The following NRF1 variants were observed in gnomAD, a reference collection of about 807,000 sequenced individuals.
The protein encoded by NRF1 is nuclear respiratory factor 1.
NRF1 carries 5 observed loss-of-function variants against 58.5 expected under a neutral mutation model. The ratio of observed to expected loss-of-function variants is 0.09; its 90% CI spans 0.04 to 0.18. NRF1 has a LOEUF of 0.18. Among genes scored for constraint, NRF1 ranks in the 10% least tolerant of loss-of-function variants. The pLI is 1.00. For synonymous variants in NRF1, 224 were observed against 246.7 expected (o/e 0.91, Z 0.86); for missense variants, 288 against 657.7 (o/e 0.44, Z 6.15).
intron 10 of NRF1, among the ~76,000 whole-genome samples, chr7:129,746,123 G>T (rs1207209404): frequency 1.3e-5 from 2 of 152,220 alleles, no homozygotes; most frequent in African/African-American, 2.4e-5. Context: ...CTTGCCAGAT[G>T]TAAGACATAT....
chr7:129,641,037 C>T (rs1801277122), intron 1 of NRF1, among the ~76,000 whole-genome samples: 1 of 151,930 alleles, frequency 6.6e-6, no homozygotes, highest in Non-Finnish European at 1.5e-5. Context: ...TAACCATAAG[C>T]CTCCTGGCTC....
chr7:129,652,693 C>T (rs910675096), intron 1 of NRF1, among the ~76,000 whole-genome samples: 1 of 152,174 alleles, frequency 6.6e-6, no homozygotes, highest in Non-Finnish European at 1.5e-5. Flanking sequence ...CGGGTTCACG[C>T]CATTCTCCTA....
At chr7:129,621,283 C>G (rs978807483) in intron 1 of NRF1, among the ~76,000 whole-genome samples, 4 of 152,086 alleles carry the variant, frequency 2.6e-5, no homozygotes, top group Non-Finnish European at 5.9e-5. Context: ...TGTGATTTTT[C>G]TGGGGAGAGG....
At chr7:129,680,578 G>A (rs953592110) in intron 4 of NRF1, among the ~76,000 whole-genome samples, 1 of 152,202 alleles carries the variant, frequency 6.6e-6, no homozygotes, top group Non-Finnish European at 1.5e-5. Flanking sequence ...TAAATAAAAT[G>A]TGGCATATCC....
intron 10 of NRF1, among the ~76,000 whole-genome samples, chr7:129,740,775 A>G (rs1359396275): frequency 3.9e-5 from 6 of 152,106 alleles, no homozygotes; most frequent in Non-Finnish European, 7.4e-5. Flanking sequence ...TCTCTCTACC[A>G]TTATAACCTG....
intron 3 of NRF1, among the ~76,000 whole-genome samples, chr7:129,673,205 G>A (rs1802089824): frequency 6.6e-6 from 1 of 152,170 alleles, no homozygotes; most frequent in African/African-American, 2.4e-5. Context: ...CAAAGGAGTG[G>A]TAAGGGTGAA....
At chr7:129,733,443 G>C (rs947555016) in intron 10 of NRF1, among the ~76,000 whole-genome samples, 1 of 149,982 alleles carries the variant, frequency 6.7e-6, no homozygotes, top group South Asian at 2.1e-4. Context: ...CTCCAGCCTG[G>C]GTATAGAGCG....
intron 1 of NRF1, among the ~76,000 whole-genome samples, chr7:129,643,188 A>G (rs1023845045): frequency 2.6e-5 from 4 of 152,174 alleles, no homozygotes; most frequent in African/African-American, 9.7e-5. Flanking sequence ...ACAAATCCTT[A>G]GTTCAGTTAT....
At chr7:129,710,646 A>C (rs1803051570) in intron 7 of NRF1, 75 bp downstream of exon 7, 1 of 803,190 alleles carries the variant, frequency 1.2e-6, no homozygotes, top group Admixed American at 1.8e-5. Context: ...GACTAGGGAA[A>C]GTTTCCTTTG....
chr7:129,646,712 C>T (rs933249223), intron 1 of NRF1, among the ~76,000 whole-genome samples: 2 of 152,180 alleles, frequency 1.3e-5, no homozygotes, highest in African/African-American at 4.8e-5. Flanking sequence ...CTCTCCCCTT[C>T]CAGTCTCCCT....
At chr7:129,680,258 A>C (rs1232341131) in intron 4 of NRF1, among the ~76,000 whole-genome samples, 7 of 152,190 alleles carry the variant, frequency 4.6e-5, no homozygotes, top group Admixed American at 4.6e-4. Flanking sequence ...TAATAATCAT[A>C]GTCATTAGGG....
intron 2 of NRF1, among the ~76,000 whole-genome samples, chr7:129,671,194 TG>T (rs1802040474): frequency 6.6e-6 from 1 of 152,166 alleles, no homozygotes; most frequent in South Asian, 2.1e-4. Context: ...TAGTGTGTGA[TG>T]GGGAGGTGTA....
At chr7:129,742,681 T>G (rs1034052820) in intron 10 of NRF1, among the ~76,000 whole-genome samples, 4 of 152,204 alleles carry the variant, frequency 2.6e-5, no homozygotes, top group Non-Finnish European at 2.9e-5. Flanking sequence ...AGATTGAGTT[T>G]CCATTTAAAC....
intron 5 of NRF1, among the ~76,000 whole-genome samples, chr7:129,691,559 T>C (rs1007723442): frequency 6.6e-6 from 1 of 151,740 alleles, no homozygotes; most frequent in African/African-American, 2.4e-5. Flanking sequence ...TTTGCTGTGT[T>C]AGCCAGGATC....
chr7:129,668,926 C>T (rs1801981034), intron 2 of NRF1, among the ~76,000 whole-genome samples: 1 of 152,124 alleles, frequency 6.6e-6, no homozygotes, highest in African/African-American at 2.4e-5. Flanking sequence ...AGTTTCCTCT[C>T]CTTTCCCCTC....
At chr7:129,663,229 C>T (rs867487196) in intron 2 of NRF1, among the ~76,000 whole-genome samples, 27 of 152,238 alleles carry the variant, frequency 1.8e-4, no homozygotes, top group Admixed American at 7.8e-4. Context: ...TCGACAAAAC[C>T]GCCATCGTCA....
intron 1 of NRF1, among the ~76,000 whole-genome samples, chr7:129,621,263 G>C (rs1800791597): frequency 6.6e-6 from 1 of 152,038 alleles, no homozygotes. Context: ...AATGCCACTT[G>C]GGATTAATTT....
At chr7:129,672,051 A>AT (rs1331719333) in intron 3 of NRF1, among the ~76,000 whole-genome samples, 1 of 152,098 alleles carries the variant, frequency 6.6e-6, no homozygotes, top group Non-Finnish European at 1.5e-5. Flanking sequence ...AAGAGCACAC[A>AT]TGTTGATGCT....
chr7:129,728,002 G>A (rs1372200464), intron 10 of NRF1, among the ~76,000 whole-genome samples: 1 of 152,132 alleles, frequency 6.6e-6, no homozygotes, highest in Non-Finnish European at 1.5e-5. Flanking sequence ...TAGAAATATG[G>A]TGGCAAAAAT....
Sources: gnomAD v4.1 joint callset for allele counts (sites outside exome capture counted in the v4.1 genomes callset) on GRCh38, gnomAD v4.1.1 for gene constraint, MANE v1.5 for transcripts, NCBI Gene and HGNC (gene_info 2026-07-23, HGNC 2026-07-21) for gene names.